PTPRO: variants seen among roughly 807,000 people sequenced by gnomAD.
The protein encoded by PTPRO is protein tyrosine phosphatase receptor type O.
In PTPRO, 62 loss-of-function variants were observed where a neutral mutation model predicts 145.2. The observed-to-expected ratio is 0.43, with a 90% CI of 0.35 to 0.53. PTPRO has a LOEUF of 0.53. Among genes scored for constraint, PTPRO ranks in the 20% least tolerant of loss-of-function variants. The pLI, the probability that PTPRO is intolerant of heterozygous loss-of-function variation, is 0.01. For missense variants in PTPRO, 1,345 were observed against 1,482.7 expected (o/e 0.91, Z 1.53); for synonymous variants, 565 against 514.7 (o/e 1.10, Z -1.32).
chr12:15,478,788 C>T (rs1941714006), intron 1 of PTPRO, among the ~76,000 whole-genome samples: 1 of 152,102 alleles, frequency 6.6e-6, no homozygotes, highest in African/African-American at 2.4e-5. Flanking sequence ...TCTCCTGCCT[C>T]AGCTTCCCGA....
chr12:15,571,761 C>A (rs965447336), intron 19 of PTPRO, among the ~76,000 whole-genome samples: 1 of 152,186 alleles, frequency 6.6e-6, no homozygotes, highest in Non-Finnish European at 1.5e-5. Context: ...AAACCAATCA[C>A]AGCCAGAGAG....
chr12:15,434,946 G>A (rs1940554203), intron 1 of PTPRO, among the ~76,000 whole-genome samples: 1 of 152,166 alleles, frequency 6.6e-6, no homozygotes, highest in Non-Finnish European at 1.5e-5. Context: ...CAGAATAATA[G>A]GTGCTTTTGC....
intron 23 of PTPRO, among the ~76,000 whole-genome samples, chr12:15,583,873 C>A (rs1944375648): frequency 6.6e-6 from 1 of 152,182 alleles, no homozygotes; most frequent in African/African-American, 2.4e-5. Flanking sequence ...TGGCAGTTAA[C>A]AATGTCTTTT....
chr12:15,365,212 G>A (rs992162636), intron 1 of PTPRO, among the ~76,000 whole-genome samples: 2 of 152,022 alleles, frequency 1.3e-5, no homozygotes, highest in Non-Finnish European at 2.9e-5. Context: ...TGGGTGTCTG[G>A]ATCTCTTCCC....
At chr12:15,542,570 G>A (rs898287709) in intron 12 of PTPRO, among the ~76,000 whole-genome samples, 5 of 152,120 alleles carry the variant, frequency 3.3e-5, no homozygotes, top group African/African-American at 1.2e-4. Flanking sequence ...AAGAAGAAAT[G>A]CTCTAACTCA....
At chr12:15,513,225 GAAAA>G (rs1333928960) in intron 7 of PTPRO, among the ~76,000 whole-genome samples, 78 of 109,102 alleles carry the variant, frequency 7.1e-4, no homozygotes, top group African/African-American at 2.2e-3. Context: ...AAGAAAGAAA[GAAAA>G]GAAAGAAAGA....
intron 4 of PTPRO, 103 bp downstream of exon 4, chr12:15,499,697 A>C: frequency 7.6e-7 from 1 of 1,310,842 alleles, no homozygotes; most frequent in Non-Finnish European, 1.1e-6. Context: ...AGAGCAAAGA[A>C]AGAAAATATA....
chr12:15,371,310 G>A (rs1481600528), intron 1 of PTPRO, among the ~76,000 whole-genome samples: 1 of 150,462 alleles, frequency 6.6e-6, no homozygotes, highest in Non-Finnish European at 1.5e-5. Context: ...TCGGCTCATT[G>A]CAACCTCTGC....
At chr12:15,419,743 T>TTC (rs1940083505) in intron 1 of PTPRO, among the ~76,000 whole-genome samples, 1 of 151,526 alleles carries the variant, frequency 6.6e-6, no homozygotes, top group African/African-American at 2.4e-5. Context: ...GTGTTTTTTT[T>TTC]TTCCCAGAGA....
chr12:15,493,136 T>A (rs1224387881), intron 2 of PTPRO, among the ~76,000 whole-genome samples: 4 of 152,196 alleles, frequency 2.6e-5, no homozygotes, highest in Non-Finnish European at 5.9e-5. Flanking sequence ...ATGACTATTC[T>A]ACTGACAGAA....
intron 1 of PTPRO, among the ~76,000 whole-genome samples, chr12:15,433,549 G>C (rs926299602): frequency 1.3e-5 from 2 of 152,114 alleles, no homozygotes; most frequent in Non-Finnish European, 2.9e-5. Context: ...GTGAAGGAAA[G>C]GGTCCAGTTT....
At chr12:15,498,739 A>C (rs1277752610) in intron 3 of PTPRO, among the ~76,000 whole-genome samples, 1 of 152,260 alleles carries the variant, frequency 6.6e-6, no homozygotes, top group African/African-American at 2.4e-5. Flanking sequence ...AAATATATTT[A>C]TGAATGATTA....
chr12:15,352,665 A>G (rs1051271230), intron 1 of PTPRO, among the ~76,000 whole-genome samples: 4,121 of 94,840 alleles, frequency 0.043, 98 homozygotes, highest in African/African-American at 0.063. Flanking sequence ...AAAAAAAAAA[A>G]AAAGAAAGAA....
intron 6 of PTPRO, among the ~76,000 whole-genome samples, chr12:15,507,970 G>A (rs188402953): frequency 7.5e-4 from 115 of 152,330 alleles, no homozygotes; most frequent in Middle Eastern, 6.8e-3. Flanking sequence ...AGAGAACAAA[G>A]CTAAGGATGG....
In PTPRO at chr12:15,335,690, A is replaced by AT. The variant is rs776488700; in HGVS notation, c.75+12898dup. ...AAAACTTAGTTTATGAGGTTTTGTT[A>AT]TTTTTTTTTAATTAGCGAAATTTGC... On this transcript the variant is annotated intron_variant, in intron 1 of 26. Coordinates refer to ENST00000281171, the MANE Select transcript of PTPRO (RefSeq NM_030667.3). Among the ~76,000 whole-genome samples the AT allele has an allele frequency of 5.6e-3, 855 of 151,576 alleles. 6 individuals carry two copies. The highest frequency in any genetic ancestry group is 0.017 in the Middle Eastern group (5 of 292).
intron 1 of PTPRO, among the ~76,000 whole-genome samples, chr12:15,395,340 G>C (rs772622982): frequency 6.6e-6 from 1 of 152,118 alleles, no homozygotes; most frequent in Non-Finnish European, 1.5e-5. Flanking sequence ...GCTTGAAGAG[G>C]AGGAAGAAAC....
At chr12:15,432,305 C>T (rs138990128) in intron 1 of PTPRO, among the ~76,000 whole-genome samples, 77 of 152,310 alleles carry the variant, frequency 5.1e-4, no homozygotes, top group African/African-American at 1.6e-3. Flanking sequence ...CCTCCAGCTC[C>T]ATGCATGTCC....
chr12:15,360,605 TTCTC>T (rs201998130), intron 1 of PTPRO, among the ~76,000 whole-genome samples: 1 of 150,578 alleles, frequency 6.6e-6, no homozygotes, highest in Non-Finnish European at 1.5e-5. Flanking sequence ...GTATCTCTCT[TTCTC>T]TCTCTCTCTC....
At chr12:15,552,475 A>G (rs894936479) in intron 15 of PTPRO, among the ~76,000 whole-genome samples, 26 of 152,212 alleles carry the variant, frequency 1.7e-4, no homozygotes, top group African/African-American at 6.3e-4. Flanking sequence ...AAATAAATTC[A>G]TCTATCCAAT....
Sources: gnomAD v4.1 joint callset for allele counts (sites outside exome capture counted in the v4.1 genomes callset) on GRCh38, gnomAD v4.1.1 for gene constraint, MANE v1.5 for transcripts, NCBI Gene and HGNC (gene_info 2026-07-23, HGNC 2026-07-21) for gene names.